The following PDLIM5 variants were observed in gnomAD, a reference collection of about 807,000 sequenced individuals.
PDLIM5 encodes PDZ and LIM domain 5.
Under a neutral mutation model 64.2 loss-of-function variants are expected in PDLIM5, and 34 were observed. The observed-to-expected ratio is 0.53, with a 90% CI of 0.40 to 0.71. The LOEUF is 0.71. PDLIM5 is among the 30% of genes least tolerant of loss of function. The pLI is 0.00. For missense variants in PDLIM5, 683 were observed against 733.6 expected, an observed-to-expected ratio of 0.93 and a Z score of 0.80; for synonymous variants, 253 against 269.1, an observed-to-expected ratio of 0.94 and a Z score of 0.59.
At chr4:94,643,301 C>T (rs1741149859) in intron 9 of PDLIM5, among the ~76,000 whole-genome samples, 1 of 152,092 alleles carries the variant, frequency 6.6e-6, no homozygotes, top group African/African-American at 2.4e-5. Flanking sequence ...TAGGAAGTTA[C>T]ATTTTAGGAA....
intron 2 of PDLIM5, among the ~76,000 whole-genome samples, chr4:94,479,713 T>C (rs967194836): frequency 3.9e-5 from 6 of 152,336 alleles, no homozygotes; most frequent in Non-Finnish European, 5.9e-5. Flanking sequence ...TTTTAAGATA[T>C]ACGTGAAATA....
rs1270686865 is a variant in PDLIM5, at chr4:94,665,446, A to G, written c.*1379A>G. 1.5e-6 allele frequency: 1 copy of G among 683,652 alleles called. No homozygotes were observed. The allele number at this position is 683,652 out of a possible 1,614,324, so 42.3% of individuals were successfully genotyped here. A position where few individuals can be genotyped will look rare whatever the true frequency, so the allele number is the denominator to read the frequency against. ...CAGTGAGCTGAGATCACACCACTGC[A>G]CTCCAGCCTGGTGACAGAGCAAGAC... is the stretch of plus-strand genomic sequence containing the variant. On this transcript the variant is annotated 3_prime_UTR_variant, in exon 13 of 13. Transcript: ENST00000317968.
At chr4:94,638,702 A>G (rs751814585) in intron 8 of PDLIM5, among the ~76,000 whole-genome samples, 6 of 152,250 alleles carry the variant, frequency 3.9e-5, no homozygotes, top group Middle Eastern at 3.4e-3. Flanking sequence ...CTTTTGGACT[A>G]TTTTCACATG....
At chr4:94,502,649 G>T (rs1206025894) in intron 2 of PDLIM5, among the ~76,000 whole-genome samples, 1 of 152,116 alleles carries the variant, frequency 6.6e-6, no homozygotes, top group Admixed American at 6.5e-5. Context: ...AGCCGAGGTG[G>T]GTGGATCTTT....
chr4:94,563,937 CT>C (rs1295763694), intron 3 of PDLIM5, among the ~76,000 whole-genome samples: 65 of 97,270 alleles, frequency 6.7e-4, no homozygotes, highest in Admixed American at 1.7e-3. Flanking sequence ...AGCAATTTTT[CT>C]TTTTTTTTTT....
chr4:94,604,095 G>A (rs1280711988), intron 7 of PDLIM5, among the ~76,000 whole-genome samples: 5 of 152,156 alleles, frequency 3.3e-5, no homozygotes, highest in Admixed American at 6.5e-5. Flanking sequence ...TGATAGCAGA[G>A]TACAGAGAAA....
chr4:94,628,654 G>A (rs1739893427), intron 8 of PDLIM5, among the ~76,000 whole-genome samples: 1 of 151,728 alleles, frequency 6.6e-6, no homozygotes, highest in African/African-American at 2.4e-5. Context: ...ATAAATAGTT[G>A]AAAATTGGTG....
rs1742813355 is a variant in PDLIM5, at chr4:94,662,498, T to C, written c.1662T>C (p.Ala554=). 12 of 1,605,836 alleles carry C rather than the reference T, an allele frequency of 7.5e-6. No individual in the cohort carries two copies. The highest frequency in any genetic ancestry group is 1.0e-5 in the Non-Finnish European group (12 of 1,172,560). Residue 554 remains alanine (A), a synonymous_variant, in exon 12 of 13, where the codon GCT becomes GCC. Coordinates refer to ENST00000317968, the MANE Select transcript of PDLIM5 (RefSeq NM_006457.5). ...PIEAGDMFLE[A]LGYTWHDTCF... Reference sequence around the variant, plus strand: ...AAGCTGGTGACATGTTCCTGGAAGCTCTGGGCTACACCTGGCATGACACTT... The same window carrying C: ...AAGCTGGTGACATGTTCCTGGAAGCCCTGGGCTACACCTGGCATGACACTT...
intron 8 of PDLIM5, among the ~76,000 whole-genome samples, chr4:94,635,563 G>A (rs1436244293): frequency 6.6e-6 from 1 of 152,110 alleles, no homozygotes; most frequent in Non-Finnish European, 1.5e-5. Flanking sequence ...TTTGCAATGG[G>A]TTCAATGCAT....
chr4:94,482,779 C>T (rs113599837), intron 2 of PDLIM5, among the ~76,000 whole-genome samples: 1,802 of 152,128 alleles, frequency 0.012, 43 homozygotes, highest in African/African-American at 0.041. Context: ...GTCCCAGCTA[C>T]TCAGGAGGCT....
intron 3 of PDLIM5, among the ~76,000 whole-genome samples, chr4:94,558,978 TTTAAG>T (rs1390107162): frequency 6.6e-6 from 1 of 152,156 alleles, no homozygotes; most frequent in African/African-American, 2.4e-5. Flanking sequence ...CAGTCATAAA[TTTAAG>T]TTGAGTAGGT....
intron 7 of PDLIM5, among the ~76,000 whole-genome samples, chr4:94,601,810 A>G (rs1333931474): frequency 6.6e-6 from 1 of 152,218 alleles, no homozygotes; most frequent in Non-Finnish European, 1.5e-5. Flanking sequence ...ATAAATGGAT[A>G]GCTTATGATT....
chr4:94,617,505 G>A (rs1324593202), intron 7 of PDLIM5, among the ~76,000 whole-genome samples: 1 of 152,014 alleles, frequency 6.6e-6, no homozygotes, highest in Non-Finnish European at 1.5e-5. Flanking sequence ...GAGTGAGTAT[G>A]TGAGTAGAAG....
intron 10 of PDLIM5, among the ~76,000 whole-genome samples, chr4:94,655,904 C>G (rs1742173287): frequency 6.6e-6 from 1 of 152,074 alleles, no homozygotes; most frequent in Admixed American, 6.6e-5. Context: ...ATTCTGGAAG[C>G]CTTGGGAGAT....
At chr4:94,553,915 T>G (rs1490548037) in intron 3 of PDLIM5, among the ~76,000 whole-genome samples, 1 of 152,204 alleles carries the variant, frequency 6.6e-6, no homozygotes, top group African/African-American at 2.4e-5. Context: ...CTGAAATACA[T>G]TTTTAAAAAA....
chr4:94,511,780 T>C (rs1201626903), intron 2 of PDLIM5, among the ~76,000 whole-genome samples: 1 of 152,150 alleles, frequency 6.6e-6, no homozygotes, highest in Non-Finnish European at 1.5e-5. Context: ...TCCACTTCCA[T>C]TCATGTGGTT....
At chr4:94,497,770 A>T (rs1270715115) in intron 2 of PDLIM5, among the ~76,000 whole-genome samples, 1 of 152,164 alleles carries the variant, frequency 6.6e-6, no homozygotes, top group East Asian at 1.9e-4. Context: ...ATGTATATCT[A>T]ATGGGCCATC....
At chr4:94,508,146 T>G (rs1022905086) in intron 2 of PDLIM5, among the ~76,000 whole-genome samples, 44 of 152,160 alleles carry the variant, frequency 2.9e-4, no homozygotes, top group Non-Finnish European at 5.4e-4. Flanking sequence ...GAACATTTCC[T>G]TTCCATTTCT....
chr4:94,509,809 G>T (rs199752548), intron 2 of PDLIM5, among the ~76,000 whole-genome samples: 1 of 150,798 alleles, frequency 6.6e-6, no homozygotes, highest in African/African-American at 2.5e-5. Flanking sequence ...TTTTCTGTCT[G>T]CTTTATATTC....
Sources: gnomAD v4.1 joint callset for allele counts (sites outside exome capture counted in the v4.1 genomes callset) on GRCh38, gnomAD v4.1.1 for gene constraint, MANE v1.5 for transcripts, NCBI Gene and HGNC (gene_info 2026-07-23, HGNC 2026-07-21) for gene names.